Variants in TBCK observed in about 807,000 individuals in gnomAD.
The protein encoded by TBCK is TBC1 domain containing kinase.
A neutral mutation model predicts 113.4 loss-of-function variants in TBCK; 99 were observed. The observed-to-expected ratio is 0.87, with a 90% confidence interval of 0.74 to 1.03. The LOEUF is 1.03. Ranked by LOEUF, TBCK falls within the 50% of genes least tolerant of loss-of-function variation. TBCK has a pLI of 0.00. For synonymous variants in TBCK, 369 were observed against 370.8 expected (o/e 1.00, Z 0.05); for missense variants, 1,045 against 1,061.3 (o/e 0.98, Z 0.21).
At chr4:106,280,890 C>T (rs1435877161) in intron 3 of TBCK, among the ~76,000 whole-genome samples, 1 of 151,998 alleles carries the variant, frequency 6.6e-6, no homozygotes, top group Non-Finnish European at 1.5e-5. Context: ...TTGCTCATGA[C>T]AGCTGTTGCT....
chr4:106,243,273 G>T (rs1469248931), intron 11 of TBCK, among the ~76,000 whole-genome samples: 1 of 152,042 alleles, frequency 6.6e-6, no homozygotes, highest in African/African-American at 2.4e-5. Flanking sequence ...AATGCTAACA[G>T]TACTCTCCTG....
intron 19 of TBCK, among the ~76,000 whole-genome samples, chr4:106,214,783 A>G (rs1756653927): frequency 6.6e-6 from 1 of 151,788 alleles, no homozygotes; most frequent in South Asian, 2.1e-4. Context: ...CAAGTTGGAA[A>G]ACACTCTGCA....
rs975252141 is a variant in TBCK, at chr4:106,139,203, T to C, written c.2236-22825A>G. On this transcript the variant is annotated intron_variant, in intron 23 of 25. Coordinates refer to ENST00000394708, the MANE Select transcript of TBCK (RefSeq NM_001163435.3). Reference sequence around the variant, plus strand: ...TCAACTAAATGATCAAAATACTCTCTGGCCAGACACTTATTCCCTGAGGAA... The same window carrying C: ...TCAACTAAATGATCAAAATACTCTCCGGCCAGACACTTATTCCCTGAGGAA... Among the ~76,000 whole-genome samples, 4 of 141,118 alleles carry C rather than the reference T, an allele frequency of 2.8e-5. 1 individual carries two copies. The highest frequency in any genetic ancestry group is 6.4e-5 in the Non-Finnish European group (4 of 62,100). The allele number at this position is 141,118 out of a possible 152,430, so 92.6% of individuals were successfully genotyped here.
At chr4:106,286,393 T>C (rs895560662) in intron 3 of TBCK, among the ~76,000 whole-genome samples, 16 of 152,152 alleles carry the variant, frequency 1.1e-4, no homozygotes, top group African/African-American at 3.1e-4. Context: ...TGCCACAAGA[T>C]TTGTCGTCTT....
At chr4:106,295,324 T>G (rs1766183372) in intron 2 of TBCK, among the ~76,000 whole-genome samples, 158 bp from the exon 3 acceptor site, 1 of 152,184 alleles carries the variant, frequency 6.6e-6, no homozygotes, top group Non-Finnish European at 1.5e-5. Flanking sequence ...ACCAAGTATA[T>G]AGGATAATAA....
chr4:106,185,865 G>A (rs1037289216), intron 22 of TBCK, among the ~76,000 whole-genome samples: 4 of 151,878 alleles, frequency 2.6e-5, no homozygotes, highest in Non-Finnish European at 4.4e-5. Flanking sequence ...GTATTTTTTC[G>A]ATCTTCTTCC....
chr4:106,198,878 G>T (rs1754559027), intron 20 of TBCK, among the ~76,000 whole-genome samples: 1 of 151,966 alleles, frequency 6.6e-6, no homozygotes, highest in Non-Finnish European at 1.5e-5. Flanking sequence ...TACAAGTTCT[G>T]GTATAAGGTA....
intron 25 of TBCK, among the ~76,000 whole-genome samples, chr4:106,057,459 C>T (rs992112372): frequency 9.3e-4 from 141 of 151,824 alleles, no homozygotes; most frequent in Non-Finnish European, 3.7e-4. Flanking sequence ...CCTTTAATAG[C>T]TCCCGACTGC....
intron 25 of TBCK, among the ~76,000 whole-genome samples, chr4:106,085,869 T>C (rs1739432358): frequency 2.0e-5 from 3 of 152,188 alleles, no homozygotes; most frequent in Admixed American, 2.0e-4. Context: ...AATAACAAAA[T>C]TAAGGCAGAA....
At chr4:106,241,357 A>T (rs537528830) in intron 12 of TBCK, among the ~76,000 whole-genome samples, 5 of 151,946 alleles carry the variant, frequency 3.3e-5, no homozygotes, top group African/African-American at 1.2e-4. Context: ...TGCAATGTCA[A>T]TCAAAACCCT....
Position 106,185,947 on chromosome 4 carries a change from T to C in TBCK, c.2059+7662A>G, listed in dbSNP as rs367768700. ...CTTCGTTGTGTCCATGTGCACTCAATGTTTAGTTTCTACTTATAAGTGAGA... is the reference window on the plus strand; with the variant it reads ...CTTCGTTGTGTCCATGTGCACTCAACGTTTAGTTTCTACTTATAAGTGAGA... On this transcript the variant is annotated intron_variant, in intron 22 of 25. Coordinates refer to ENST00000394708, the MANE Select transcript of TBCK (RefSeq NM_001163435.3). Among the ~76,000 whole-genome samples, 264 of 152,198 alleles carry C rather than the reference T, an allele frequency of 1.7e-3. 2 individuals are homozygous for C. The highest frequency in any genetic ancestry group is 5.4e-3 in the African/African-American group (226 of 41,550).
At chr4:106,085,293 AAAC>A (rs1416347098) in intron 25 of TBCK, among the ~76,000 whole-genome samples, 1 of 152,064 alleles carries the variant, frequency 6.6e-6, no homozygotes, top group African/African-American at 2.4e-5. Flanking sequence ...AAACAAAACA[AAAC>A]AAAACAAAAC....
intron 25 of TBCK, among the ~76,000 whole-genome samples, chr4:106,077,210 TA>T (rs1738301683): frequency 6.6e-6 from 1 of 152,166 alleles, no homozygotes; most frequent in Non-Finnish European, 1.5e-5. Context: ...TTTGTCACCA[TA>T]AAAACACACT....
intron 23 of TBCK, among the ~76,000 whole-genome samples, chr4:106,138,455 A>C (rs1411358362): frequency 1.4e-5 from 2 of 141,420 alleles, no homozygotes; most frequent in Admixed American, 7.0e-5. Flanking sequence ...TTCAGAAGTG[A>C]TTCTAATTAT....
chr4:106,189,342 C>CAAAAAA (rs1189938399), intron 22 of TBCK, among the ~76,000 whole-genome samples: 4 of 59,392 alleles, frequency 6.7e-5, no homozygotes, highest in Non-Finnish European at 1.5e-4. Context: ...GACTCCATCT[C>CAAAAAA]AAAAAAAAAA....
At chr4:106,214,273 C>A (rs1324351625) in intron 19 of TBCK, among the ~76,000 whole-genome samples, 3 of 152,104 alleles carry the variant, frequency 2.0e-5, no homozygotes, top group Non-Finnish European at 4.4e-5. Flanking sequence ...GGGGAAAAAA[C>A]AGAACAGAAA....
rs1018767062 is a variant in TBCK at position 106,076,544 on chromosome 4, C to T, written c.2571+18938G>A. On this transcript the variant is annotated intron_variant, in intron 25 of 25. Coordinates refer to ENST00000394708, the MANE Select transcript of TBCK (RefSeq NM_001163435.3). ...CCTTGTGAGATACTATGTAAGACAA[C>T]CATCCCCAAGACACACAGTCATCAG... Among the ~76,000 whole-genome samples, 4 of 152,008 alleles carry T rather than the reference C, an allele frequency of 2.6e-5. No homozygotes were observed. In the East Asian group the frequency reaches 7.7e-4, roughly 29 times the overall value.
At chr4:106,280,363 T>C (rs1000156901) in intron 3 of TBCK, among the ~76,000 whole-genome samples, 2 of 152,134 alleles carry the variant, frequency 1.3e-5, no homozygotes, top group African/African-American at 4.8e-5. Context: ...AAATATTTAT[T>C]CCCAATCTGT....
chr4:106,282,255 C>G (rs986505000), intron 3 of TBCK, among the ~76,000 whole-genome samples: 1 of 151,874 alleles, frequency 6.6e-6, no homozygotes, highest in African/African-American at 2.4e-5. Flanking sequence ...TGTGATGTCT[C>G]CTTTCTCATC....
Sources: gnomAD v4.1 joint callset for allele counts (sites outside exome capture counted in the v4.1 genomes callset) on GRCh38, gnomAD v4.1.1 for gene constraint, MANE v1.5 for transcripts, NCBI Gene and HGNC (gene_info 2026-07-23, HGNC 2026-07-21) for gene names.